Variants in BMPR1B observed in about 807,000 individuals in gnomAD.
The protein encoded by BMPR1B is bone morphogenetic protein receptor type-1B.
BMPR1B carries 12 observed loss-of-function variants against 59.1 expected under a neutral mutation model. The observed-to-expected ratio is 0.20, with a 90% CI of 0.13 to 0.33. The LOEUF (loss-of-function observed/expected upper bound fraction) is 0.33, where lower values mean the gene tolerates loss of function less well. Among genes scored for constraint, BMPR1B ranks in the 10% least tolerant of loss-of-function variants. The pLI is 1.00. For synonymous variants in BMPR1B, 237 were observed against 207.3 expected (o/e 1.14, Z -1.23); for missense variants, 550 against 610.9 (o/e 0.90, Z 1.05).
chr4:94,875,001 T>A (rs549694112), intron 1 of BMPR1B, among the ~76,000 whole-genome samples: 124 of 151,908 alleles, frequency 8.2e-4, no homozygotes, highest in Non-Finnish European at 1.2e-3. Context: ...TCAAAAAAAA[T>A]AATAATAAAT....
At chr4:95,014,366 T>C (rs891208803) in intron 3 of BMPR1B, among the ~76,000 whole-genome samples, 4 of 152,154 alleles carry the variant, frequency 2.6e-5, no homozygotes, top group Non-Finnish European at 5.9e-5. Context: ...TTAAGAATAA[T>C]TAAGTTAATA....
At chr4:94,778,031 A>G (rs1722444133) in intron 1 of BMPR1B, among the ~76,000 whole-genome samples, 1 of 152,132 alleles carries the variant, frequency 6.6e-6, no homozygotes, top group Non-Finnish European at 1.5e-5. Context: ...CATCTCAAAA[A>G]AAAAAAGTGT....
intron 3 of BMPR1B, among the ~76,000 whole-genome samples, chr4:95,048,858 G>A (rs911558979): frequency 3.9e-5 from 6 of 152,132 alleles, no homozygotes; most frequent in Non-Finnish European, 8.8e-5. Context: ...TTTGAACCAA[G>A]TAGTCAGGGG....
intron 1 of BMPR1B, among the ~76,000 whole-genome samples, chr4:94,861,210 T>C (rs1395511326): frequency 6.6e-6 from 1 of 152,236 alleles, no homozygotes; most frequent in Non-Finnish European, 1.5e-5. Flanking sequence ...GGTAAGTTAT[T>C]TAATCCCTCT....
chr4:94,772,280 T>G (rs1722213904), intron 1 of BMPR1B, among the ~76,000 whole-genome samples: 1 of 152,160 alleles, frequency 6.6e-6, no homozygotes, highest in Admixed American at 6.5e-5. Context: ...CCCTTTGTCT[T>G]CAGCATGTTG....
intron 2 of BMPR1B, among the ~76,000 whole-genome samples, chr4:94,939,661 C>T (rs1307743556): frequency 6.6e-6 from 1 of 152,144 alleles, no homozygotes; most frequent in East Asian, 1.9e-4. Context: ...TAGAGACAGG[C>T]AGCTAGAGGT....
At chr4:95,036,481 G>T (rs1725252132) in intron 3 of BMPR1B, among the ~76,000 whole-genome samples, 1 of 151,956 alleles carries the variant, frequency 6.6e-6, no homozygotes, top group Non-Finnish European at 1.5e-5. Flanking sequence ...TCTTTCTGTG[G>T]CTGGCTTATT....
chr4:95,000,543 G>T (rs1722372212), intron 3 of BMPR1B, among the ~76,000 whole-genome samples: 1 of 151,962 alleles, frequency 6.6e-6, no homozygotes, highest in Admixed American at 6.6e-5. Flanking sequence ...AAGAGAGAAA[G>T]AAAGAAGTGG....
intron 2 of BMPR1B, among the ~76,000 whole-genome samples, chr4:94,965,356 T>C (rs968609611): frequency 2.0e-5 from 3 of 152,134 alleles, no homozygotes; most frequent in Non-Finnish European, 4.4e-5. Flanking sequence ...AGCTAACATA[T>C]ATCAAAAGCC....
chr4:94,805,748 G>T (rs1723584485), intron 1 of BMPR1B, among the ~76,000 whole-genome samples: 1 of 152,104 alleles, frequency 6.6e-6, no homozygotes, highest in African/African-American at 2.4e-5. Context: ...TGGAGATTCT[G>T]GCAAAATCCT....
intron 3 of BMPR1B, among the ~76,000 whole-genome samples, chr4:95,036,284 C>T (rs1032565067): frequency 5.3e-5 from 8 of 152,014 alleles, no homozygotes; most frequent in Middle Eastern, 3.4e-3. Context: ...CTGTAGTCAC[C>T]GTGTTGTGCT....
rs554278347 is a variant in BMPR1B, at chr4:95,094,048, G to A, written c.-17-10360G>A. On this transcript the variant is annotated intron_variant, in intron 3 of 12. Coordinates refer to ENST00000515059, the MANE Select transcript of BMPR1B (RefSeq NM_001203.3). ...GTGGCATTGTGACATCTCTTTTATT[G>A]TTTTCCTATATGTATTTCGGCTTTC... 3.9e-5 allele frequency among the ~76,000 whole-genome samples: 6 copies of A among 152,060 alleles called. 1 individual carries two copies. The South Asian group carries it at 8.3e-4, about 21-fold the overall frequency.
At chr4:94,986,767 C>A (rs941387146) in intron 2 of BMPR1B, among the ~76,000 whole-genome samples, 32 of 151,990 alleles carry the variant, frequency 2.1e-4, no homozygotes, top group African/African-American at 7.2e-4. Context: ...ATGGTCCGGG[C>A]GCAGTGGCTC....
At chr4:95,069,898 G>C (rs550016208) in intron 3 of BMPR1B, among the ~76,000 whole-genome samples, 4 of 152,166 alleles carry the variant, frequency 2.6e-5, no homozygotes, top group African/African-American at 9.6e-5. Flanking sequence ...TTGGGAGTTC[G>C]TGACCAGCCT....
At chr4:95,022,409 C>G (rs186092423) in intron 3 of BMPR1B, among the ~76,000 whole-genome samples, 1 of 152,216 alleles carries the variant, frequency 6.6e-6, no homozygotes, top group Non-Finnish European at 1.5e-5. Context: ...TTTTCAAATT[C>G]TGTTAGTGTG....
At chr4:95,094,626 C>T (rs891751816) in intron 3 of BMPR1B, among the ~76,000 whole-genome samples, 4 of 152,120 alleles carry the variant, frequency 2.6e-5, no homozygotes, top group African/African-American at 9.7e-5. Context: ...GTGAGTACTG[C>T]TACTCTCCAC....
chr4:95,152,905 T>A, intron 12 of BMPR1B, 132 bp downstream of exon 12: 1 of 1,154,342 alleles, frequency 8.7e-7, no homozygotes, highest in Non-Finnish European at 1.3e-6. Flanking sequence ...CTCATTGCAG[T>A]AATTTATATG....
chr4:95,039,642 A>G (rs1170439520), intron 3 of BMPR1B, among the ~76,000 whole-genome samples: 2 of 152,190 alleles, frequency 1.3e-5, no homozygotes, highest in Admixed American at 1.3e-4. Flanking sequence ...TGTGAGAGAG[A>G]TGAAAAGGTT....
intron 6 of BMPR1B, 29 bp from the exon 7 acceptor site, chr4:95,123,781 A>T (rs766467296): frequency 6.7e-7 from 1 of 1,497,062 alleles, no homozygotes; most frequent in South Asian, 1.1e-5. Context: ...TATTCTCTTG[A>T]TTATGGCTCT....
Sources: allele counts gnomAD v4.1 joint callset (sites outside exome capture counted in the v4.1 genomes callset), GRCh38; gene constraint gnomAD v4.1.1; transcripts MANE v1.5; gene names NCBI Gene and HGNC (gene_info 2026-07-23, HGNC 2026-07-21).